The following PLEKHM1 variants were observed in gnomAD, a reference collection of about 807,000 sequenced individuals.
PLEKHM1 encodes pleckstrin homology domain-containing family M member 1.
A neutral mutation model predicts 94.3 loss-of-function variants in PLEKHM1; 28 were observed. The ratio of observed to expected loss-of-function variants is 0.30; its 90% CI spans 0.22 to 0.41. PLEKHM1 has a LOEUF of 0.41. Ranked by LOEUF, PLEKHM1 falls within the 10% of genes least tolerant of loss-of-function variation. The pLI is 1.00. For synonymous variants in PLEKHM1, 424 were observed against 581.2 expected (o/e 0.73, Z 3.89); for missense variants, 907 against 1,358.6 (o/e 0.67, Z 5.22).
In PLEKHM1 at chr17:45,444,624, C is replaced by T. The variant is rs2050546528; in HGVS notation, c.2837+846G>A. On this transcript the variant is annotated intron_variant, in intron 9 of 11. Coordinates refer to ENST00000430334, the MANE Select transcript of PLEKHM1 (RefSeq NM_014798.3). The surrounding 1 kb of genome is among the most constrained non-coding windows in gnomAD (Gnocchi z 5.0). ...CTCTCGCCACACTCCCCACTTCCCT[C>T]CTCACTGTAGCCAAAGTTCTCCCTG... 6.6e-6 allele frequency among the ~76,000 whole-genome samples: 1 copy of T among 152,248 alleles called. No homozygotes were observed.
At chr17:45,490,134 G>A (rs2052264030) in intron 1 of PLEKHM1, among the ~76,000 whole-genome samples, 1 of 152,128 alleles carries the variant, frequency 6.6e-6, no homozygotes, top group East Asian at 1.9e-4. Flanking sequence ...TCTTAGATGA[G>A]AGGGCGGAGG....
intron 4 of PLEKHM1, among the ~76,000 whole-genome samples, chr17:45,472,334 C>T (rs1290805213): frequency 1.3e-5 from 2 of 152,186 alleles, no homozygotes; most frequent in Non-Finnish European, 2.9e-5. Flanking sequence ...CGGCATTTGT[C>T]TATACATCCT....
chr17:45,468,183 C>G, intron 5 of PLEKHM1, 26 bp downstream of exon 5: 3 of 1,612,648 alleles, frequency 1.9e-6, no homozygotes, highest in African/African-American at 1.3e-5. Flanking sequence ...CCCAAGACTG[C>G]CCCCTGAACG....
In PLEKHM1 at chr17:45,453,085, C is replaced by T. The variant is rs2050819845; in HGVS notation, c.2497+270G>A. ...AAGCAGGCTGGGACTCCCTGAGCAG[C>T]GCAGTGAGTAGCCAGCCTGCCGCCC... is the stretch of plus-strand genomic sequence containing the variant. On this transcript the variant is annotated intron_variant, in intron 7 of 11. Coordinates refer to ENST00000430334, the MANE Select transcript of PLEKHM1 (RefSeq NM_014798.3). The surrounding 1 kb of genome is among the most constrained non-coding windows in gnomAD (Gnocchi z 4.1). 5 of 598,862 alleles carry T rather than the reference C, an allele frequency of 8.3e-6. No homozygotes were observed. Among genetic ancestry groups the T allele is most frequent in the Admixed American group, 2.9e-5 (1 of 34,448 alleles). The allele number at this position is 598,862 out of a possible 1,614,324, so 37.1% of individuals were successfully genotyped here. A position where few individuals can be genotyped will look rare whatever the true frequency, so the allele number is the denominator to read the frequency against.
intron 1 of PLEKHM1, among the ~76,000 whole-genome samples, chr17:45,483,422 G>T (rs1199964811): frequency 7.8e-6 from 1 of 128,834 alleles, no homozygotes; most frequent in Admixed American, 7.6e-5. Flanking sequence ...AGTGGGTGGG[G>T]TGGGGTGGGG....
downstream of PLEKHM1, chr17:45,435,823 A>G (rs1426195882): frequency 1.3e-5 from 5 of 397,628 alleles, no homozygotes; most frequent in African/African-American, 8.3e-5. Flanking sequence ...AGGGTAGGGG[A>G]CCCTGACAGA....
chr17:45,450,013 C>T (rs2050727633), intron 8 of PLEKHM1, among the ~76,000 whole-genome samples: 1 of 151,806 alleles, frequency 6.6e-6, no homozygotes, highest in African/African-American at 2.4e-5. Flanking sequence ...ACCTAACCAT[C>T]TGCTCATCCA....
In PLEKHM1 at chr17:45,437,537, G is replaced by C; in HGVS notation, c.*321C>G. 1 of 599,604 alleles carries C rather than the reference G, an allele frequency of 1.7e-6. No homozygotes were observed. The highest frequency in any genetic ancestry group is 3.1e-6 in the Non-Finnish European group (1 of 321,172). The allele number at this position is 599,604 out of a possible 1,614,324, so 37.1% of individuals were successfully genotyped here. On this transcript the variant is annotated 3_prime_UTR_variant, in exon 12 of 12. Coordinates refer to ENST00000430334, the MANE Select transcript of PLEKHM1 (RefSeq NM_014798.3). This position sits in a 1 kb window ranked among gnomAD's most constrained non-coding sequence, Gnocchi z 4.0. ...ATGCTCCCCAAGTCCCCTTTCCACA[G>C]TGTTTGGGCAGCCCTAACGGAGGCG...
At chr17:45,484,031 T>C (rs1401912549) in intron 1 of PLEKHM1, among the ~76,000 whole-genome samples, 2 of 152,244 alleles carry the variant, frequency 1.3e-5, no homozygotes, top group African/African-American at 4.8e-5. Flanking sequence ...CTCTCCCTTT[T>C]GGAGCTTAGA....
chr17:45,488,941 A>AAAAG (rs945173433), intron 1 of PLEKHM1, among the ~76,000 whole-genome samples: 1 of 152,202 alleles, frequency 6.6e-6, no homozygotes, highest in Non-Finnish European at 1.5e-5. Context: ...TCCGTCGAAA[A>AAAAG]AAAGAAAGAA....
intron 4 of PLEKHM1, among the ~76,000 whole-genome samples, chr17:45,474,769 G>A (rs1481157845): frequency 6.6e-6 from 1 of 152,136 alleles, no homozygotes; most frequent in Non-Finnish European, 1.5e-5. Flanking sequence ...CTGGGCTCAA[G>A]CAATCCTCCT....
Position 45,437,950 on chromosome 17 carries a change from C to T in PLEKHM1, c.3079G>A (p.Val1027Ile), listed in dbSNP as rs762560450. 108 of 1,613,370 alleles carry T rather than the reference C, an allele frequency of 6.7e-5. No individual in the cohort carries two copies. Among genetic ancestry groups the T allele is most frequent in the Admixed American group, 1.5e-4 (9 of 60,012 alleles). The change falls in exon 12 of 12, where the codon GTC (valine) becomes ATC (isoleucine). Residue 1027 changes from valine (V) to isoleucine (I), a missense_variant. Around this residue, in one of 3 missense-constraint regions of PLEKHM1, gnomAD observed 254 missense variants for 451.1 expected, o/e 0.56. Coordinates refer to ENST00000430334, the MANE Select transcript of PLEKHM1 (RefSeq NM_014798.3). This position sits in a 1 kb window ranked among gnomAD's most constrained non-coding sequence, Gnocchi z 4.0. ...TTVRCAECKT[V>I]FHQSCQAVVK... ...ACAGCCTGGCAGCTCTGGTGGAAGA[C>T]GGTCTTGCACTCGGCACACCTGGGG...
chr17:45,436,555 G>C lies in PLEKHM1; in HGVS notation c.*1303C>G, dbSNP rs1029284184. On this transcript the variant is annotated 3_prime_UTR_variant, in exon 12 of 12. Transcript: ENST00000430334. ...CGCAGGTAAGACAGCTAGGACTGAG[G>C]GCCTGCTAGGTCCAGGAGAGGTGGG... The C allele has an allele frequency of 8.8e-6, 4 of 452,452 alleles. No homozygotes were observed. Among genetic ancestry groups the C allele is most frequent in the African/African-American group, 8.0e-5 (4 of 49,974 alleles). 28.0% of individuals were successfully genotyped at this position (452,452 alleles called of 1,614,324 possible).
chr17:45,478,826 G>A (rs1385093821), intron 2 of PLEKHM1, among the ~76,000 whole-genome samples: 2 of 151,710 alleles, frequency 1.3e-5, no homozygotes, highest in East Asian at 3.9e-4. Context: ...GCAAGACCTT[G>A]TCTCAAAAAA....
At chr17:45,474,741 C>T (rs2051653479) in intron 4 of PLEKHM1, among the ~76,000 whole-genome samples, 1 of 152,000 alleles carries the variant, frequency 6.6e-6, no homozygotes, top group African/African-American at 2.4e-5. Flanking sequence ...CTACATTGCC[C>T]AGGCTGGCCT....
intron 5 of PLEKHM1, among the ~76,000 whole-genome samples, chr17:45,458,854 C>T (rs936630483): frequency 4.6e-5 from 7 of 151,388 alleles, no homozygotes; most frequent in African/African-American, 1.7e-4. Context: ...GTAATTCGGC[C>T]AGCCATGGTG....
chr17:45,462,670 C>T (rs1390551813), intron 5 of PLEKHM1, among the ~76,000 whole-genome samples: 1 of 152,188 alleles, frequency 6.6e-6, no homozygotes, highest in East Asian at 1.9e-4. Context: ...CAGCAAGTGC[C>T]TGCCCGAGTC....
chr17:45,488,682 T>C (rs2052208826), intron 1 of PLEKHM1, among the ~76,000 whole-genome samples: 1 of 152,198 alleles, frequency 6.6e-6, no homozygotes, highest in Non-Finnish European at 1.5e-5. Flanking sequence ...CTCACGCCCG[T>C]AATCCCAGCA....
intron 5 of PLEKHM1, among the ~76,000 whole-genome samples, chr17:45,462,756 G>T (rs1231467235): frequency 6.6e-6 from 1 of 152,200 alleles, no homozygotes; most frequent in Non-Finnish European, 1.5e-5. Context: ...CAAGTGGACT[G>T]GAAGGAAGGA....
Sources: allele counts gnomAD v4.1 joint callset (sites outside exome capture counted in the v4.1 genomes callset), GRCh38; gene constraint gnomAD v4.1.1; regional missense constraint gnomAD v4.1.1; non-coding constraint Gnocchi (gnomAD v3.1); transcripts MANE v1.5; gene names NCBI Gene and HGNC (gene_info 2026-07-23, HGNC 2026-07-21).